Variants in TRAPPC9 observed in about 807,000 individuals in gnomAD.
TRAPPC9 encodes trafficking protein particle complex subunit 9, also known as IKK2 binding protein.
Under a neutral mutation model 124.0 loss-of-function variants are expected in TRAPPC9, and 83 were observed. That is an observed-to-expected ratio of 0.67 (90% CI 0.56 to 0.80). TRAPPC9 has a LOEUF of 0.80. TRAPPC9 is among the 30% of genes least tolerant of loss of function. The probability of loss-of-function intolerance (pLI) is 0.00; values close to 1 mark genes in which losing one functional copy is unlikely to be tolerated. For synonymous variants in TRAPPC9, 638 were observed against 617.5 expected (o/e 1.03, Z -0.49); for missense variants, 1,302 against 1,508.3 (o/e 0.86, Z 2.27).
At chr8:140,131,219 T>A (rs770017021) in intron 17 of TRAPPC9, among the ~76,000 whole-genome samples, 1 of 152,188 alleles carries the variant, frequency 6.6e-6, no homozygotes, top group Non-Finnish European at 1.5e-5. Context: ...TTTTGTTCTT[T>A]AGGGTATATC....
rs146605541 is a variant in TRAPPC9, at chr8:139,738,557, C to T, written c.3056-6355G>A. 9.5e-3 allele frequency among the ~76,000 whole-genome samples: 1,450 copies of T among 152,300 alleles called. 23 individuals are homozygous for T. The highest frequency in any genetic ancestry group is 0.033 in the African/African-American group (1,353 of 41,576). ...TGCTGGCTATGAAGACGGGGGAAGG[C>T]GCACAGGGTGCAGGCACCCCAGGAG... On this transcript the variant is annotated intron_variant, in intron 21 of 22. Transcript: ENST00000438773.
intron 18 of TRAPPC9, among the ~76,000 whole-genome samples, chr8:139,997,778 T>G (rs1230375977): frequency 3.4e-5 from 4 of 117,298 alleles, no homozygotes; most frequent in African/African-American, 1.3e-4. Flanking sequence ...GGGGAGACAG[T>G]GCATCCTACA....
intron 9 of TRAPPC9, among the ~76,000 whole-genome samples, chr8:140,334,332 T>TG (rs2066976919): frequency 1.7e-4 from 26 of 152,004 alleles, no homozygotes; most frequent in African/African-American, 6.0e-4. Flanking sequence ...TAGGAAATAA[T>TG]TTGAGAAAGG....
rs764879953 is a variant in TRAPPC9, at chr8:140,287,732, C to G, written c.1857G>C (p.Gly619=). Residue 619 remains glycine, a splice_region_variant and synonymous_variant, in exon 13 of 23, where the codon GGG becomes GGC. Transcript: ENST00000438773. The part of the protein sequence containing the change: ...MPFELRVENM[G]LLTSGVEFES... Reference sequence around the variant, plus strand: ...CGAACTCCACTCCGCTGGTGAGCAGCCCCTAAACCAAGCGACGCAGCATCG... The same window carrying G: ...CGAACTCCACTCCGCTGGTGAGCAGGCCCTAAACCAAGCGACGCAGCATCG... 3.1e-6 allele frequency: 5 copies of G among 1,614,038 alleles called. No homozygotes were observed. Among genetic ancestry groups the G allele is most frequent in the Non-Finnish European group, 4.2e-6 (5 of 1,180,042 alleles).
At position 139,804,701 on chromosome 8, in the gene TRAPPC9, C is replaced by T. The variant is rs1485197752; in HGVS notation, c.3056-72499G>A. 1.0e-3 allele frequency among the ~76,000 whole-genome samples: 144 copies of T among 144,428 alleles called. 12 individuals are homozygous for T. Among genetic ancestry groups the T allele is most frequent in the African/African-American group, 3.4e-3 (128 of 38,164 alleles). The allele number at this position is 144,428 out of a possible 152,430, so 94.8% of individuals were successfully genotyped here. A position where few individuals can be genotyped will look rare whatever the true frequency, so the allele number is the denominator to read the frequency against. The stretch of plus-strand genomic sequence containing the variant: ...CACCACACACAACCACCACCACCCA[C>T]CACCACCACCCACCACCGGCACCAA... On this transcript the variant is annotated intron_variant, in intron 21 of 22. Transcript: ENST00000438773.
At chr8:139,836,430 G>C (rs1265428838) in intron 21 of TRAPPC9, among the ~76,000 whole-genome samples, 1 of 149,486 alleles carries the variant, frequency 6.7e-6, no homozygotes, top group Non-Finnish European at 1.5e-5. Context: ...CTCCCCAGGG[G>C]CAAGTGCATG....
chr8:139,889,637 G>C (rs1830213456), intron 20 of TRAPPC9, among the ~76,000 whole-genome samples: 1 of 152,184 alleles, frequency 6.6e-6, no homozygotes, highest in African/African-American at 2.4e-5. Context: ...AGTTACGAAG[G>C]TAGATTTTCT....
intron 19 of TRAPPC9, among the ~76,000 whole-genome samples, chr8:139,959,082 G>A (rs553254876): frequency 1.3e-5 from 2 of 151,622 alleles, no homozygotes; most frequent in African/African-American, 2.4e-5. Context: ...CCTGCATTCC[G>A]AGTCACACGG....
intron 19 of TRAPPC9, among the ~76,000 whole-genome samples, chr8:139,944,485 A>G (rs950940907): frequency 6.6e-6 from 1 of 152,230 alleles, no homozygotes; most frequent in Non-Finnish European, 1.5e-5. Context: ...CAAATATTCT[A>G]TATTTTATGT....
chr8:140,417,691 C>A (rs1270179598), intron 5 of TRAPPC9, among the ~76,000 whole-genome samples: 3 of 152,140 alleles, frequency 2.0e-5, no homozygotes, highest in Non-Finnish European at 4.4e-5. Flanking sequence ...TATCATTTGA[C>A]CCAGCAATCC....
chr8:140,394,848 G>A (rs547262489), intron 7 of TRAPPC9, among the ~76,000 whole-genome samples: 7 of 152,208 alleles, frequency 4.6e-5, no homozygotes, highest in African/African-American at 9.6e-5. Flanking sequence ...CACCTCCTCC[G>A]GGAAGCCCTC....
intron 17 of TRAPPC9, among the ~76,000 whole-genome samples, chr8:140,201,163 C>T (rs1211485517): frequency 6.6e-6 from 1 of 152,082 alleles, no homozygotes; most frequent in Non-Finnish European, 1.5e-5. Context: ...GGACTGTGGC[C>T]GGCTGGGAAG....
intron 21 of TRAPPC9, among the ~76,000 whole-genome samples, chr8:139,803,745 A>G (rs1823730661): frequency 6.6e-6 from 1 of 152,202 alleles, no homozygotes; most frequent in South Asian, 2.1e-4. Context: ...ACTGGAAGGC[A>G]GGGCTATTTC....
chr8:140,280,333 G>T (rs754870432), intron 14 of TRAPPC9, among the ~76,000 whole-genome samples: 13 of 152,190 alleles, frequency 8.5e-5, no homozygotes, highest in Non-Finnish European at 1.3e-4. Flanking sequence ...TAAACAGCAT[G>T]TGCAGGTATA....
At chr8:139,763,675 C>T (rs553332105) in intron 21 of TRAPPC9, among the ~76,000 whole-genome samples, 25 of 151,992 alleles carry the variant, frequency 1.6e-4, no homozygotes, top group Non-Finnish European at 2.5e-4. Flanking sequence ...TGCACGCACG[C>T]GTGCACACAC....
At chr8:140,057,372 G>C (rs937361424) in intron 17 of TRAPPC9, among the ~76,000 whole-genome samples, 1 of 152,210 alleles carries the variant, frequency 6.6e-6, no homozygotes, top group African/African-American at 2.4e-5. Context: ...GGATCTCAGA[G>C]AGATATGTAC....
intron 17 of TRAPPC9, among the ~76,000 whole-genome samples, chr8:140,071,664 T>C (rs1721358707): frequency 1.3e-5 from 2 of 152,098 alleles, no homozygotes; most frequent in African/African-American, 4.8e-5. Context: ...ACAGGGTCTC[T>C]GGGGGTTAAG....
At chr8:139,974,930 G>A (rs1029151069) in intron 19 of TRAPPC9, among the ~76,000 whole-genome samples, 2 of 151,966 alleles carry the variant, frequency 1.3e-5, no homozygotes, top group African/African-American at 4.8e-5. Context: ...CATCCCTGGG[G>A]CTGCCTGCTC....
intron 17 of TRAPPC9, among the ~76,000 whole-genome samples, chr8:140,203,774 A>G (rs962707955): frequency 2.6e-5 from 4 of 152,198 alleles, no homozygotes; most frequent in African/African-American, 9.6e-5. Flanking sequence ...CATCATAATC[A>G]TCTAAGAGTC....
Sources: gnomAD v4.1 joint callset for allele counts (sites outside exome capture counted in the v4.1 genomes callset) on GRCh38, gnomAD v4.1.1 for gene constraint, MANE v1.5 for transcripts, NCBI Gene and HGNC (gene_info 2026-07-23, HGNC 2026-07-21) for gene names.